Variants in FAM193A observed in about 807,000 individuals in gnomAD.
FAM193A encodes the protein protein FAM193A.
FAM193A carries 22 observed loss-of-function variants against 126.5 expected under a neutral mutation model. That is an observed-to-expected ratio of 0.17 (90% confidence interval 0.12 to 0.25). FAM193A has a LOEUF of 0.25. Ranked by LOEUF, FAM193A falls within the 10% of genes least tolerant of loss-of-function variation. The pLI, the probability that FAM193A is intolerant of heterozygous loss-of-function variation, is 1.00. For missense variants in FAM193A, 1,675 were observed against 1,672.8 expected, an observed-to-expected ratio of 1.00 and a Z score of -0.02; for synonymous variants, 761 against 646.8, an observed-to-expected ratio of 1.18 and a Z score of -2.68.
chr4:2,725,857 G>C (rs948421007), intron 20 of FAM193A, among the ~76,000 whole-genome samples: 1 of 151,858 alleles, frequency 6.6e-6, no homozygotes, highest in African/African-American at 2.4e-5. Flanking sequence ...GACTACAGGC[G>C]TGGGCCACCA....
intron 20 of FAM193A, among the ~76,000 whole-genome samples, chr4:2,730,807 C>T (rs1485689758): frequency 1.3e-5 from 2 of 151,218 alleles, no homozygotes; most frequent in African/African-American, 2.4e-5. Context: ...GCAGGAGAAT[C>T]GCTTGAACCT....
Position 2,607,749 on chromosome 4 carries a change from G to C in FAM193A, c.501+11420G>C, listed in dbSNP as rs566117354. ...CTCGCTGCGGCTCTAGGCTATGCTG[G>C]ACCATCTGAATGGGGTCCTCGGACC... is the stretch of plus-strand genomic sequence containing the variant. On this transcript the variant is annotated intron_variant, in intron 2 of 20. Coordinates refer to ENST00000637812, the MANE Select transcript of FAM193A (RefSeq NM_001366318.2). 154 of 459,456 alleles carry C rather than the reference G, an allele frequency of 3.4e-4. 2 individuals are homozygous for C. The highest frequency in any genetic ancestry group is 4.7e-4 in the South Asian group (17 of 35,948). The allele number at this position is 459,456 out of a possible 1,614,324, so 28.5% of individuals were successfully genotyped here.
intron 19 of FAM193A, among the ~76,000 whole-genome samples, chr4:2,706,427 G>T (rs1383821272): frequency 1.3e-5 from 2 of 150,484 alleles, no homozygotes; most frequent in Admixed American, 1.3e-4. Flanking sequence ...CTCCCAAGTA[G>T]CTGGGATTAC....
At chr4:2,685,968 T>TACA (rs2109240804) in intron 13 of FAM193A, among the ~76,000 whole-genome samples, 1 of 152,372 alleles carries the variant, frequency 6.6e-6, no homozygotes, top group East Asian at 1.9e-4. Flanking sequence ...TGGGTTTGTA[T>TACA]AACGAGTGAA....
At chr4:2,727,056 A>G (rs965124077) in intron 20 of FAM193A, among the ~76,000 whole-genome samples, 1 of 152,008 alleles carries the variant, frequency 6.6e-6, no homozygotes, top group Non-Finnish European at 1.5e-5. Flanking sequence ...GTCAAGAGAT[A>G]GAGACCATTC....
chr4:2,676,326 G>T (rs1201837408), intron 13 of FAM193A, among the ~76,000 whole-genome samples: 1 of 152,178 alleles, frequency 6.6e-6, no homozygotes, highest in Non-Finnish European at 1.5e-5. Flanking sequence ...CATCCTCAAG[G>T]ATGTAAGGTG....
chr4:2,541,792 T>C (rs1737249321), intron 1 of FAM193A, among the ~76,000 whole-genome samples: 1 of 152,198 alleles, frequency 6.6e-6, no homozygotes, highest in Non-Finnish European at 1.5e-5. Flanking sequence ...TTGCTTTTAC[T>C]GTATTTTAAG....
At chr4:2,603,380 G>A (rs913802662) in intron 2 of FAM193A, among the ~76,000 whole-genome samples, 25 of 150,746 alleles carry the variant, frequency 1.7e-4, no homozygotes, top group African/African-American at 6.1e-4. Flanking sequence ...CGCCTCTTGG[G>A]TTCAAGCCAT....
chr4:2,663,107 A>G lies in FAM193A; in HGVS notation c.1900-2A>G. On this transcript the variant is annotated splice_acceptor_variant, in intron 11 of 20. Coordinates refer to ENST00000637812, the MANE Select transcript of FAM193A (RefSeq NM_001366318.2). LOFTEE classifies it high-confidence loss of function. ...GCAAATTACAAAAGATTGTCTTTAA[A>G]GTCTCCTCAGATAAGCAGTACCAGC... 1 of 1,610,240 alleles carries G rather than the reference A, an allele frequency of 6.2e-7. No homozygotes were observed. The highest frequency in any genetic ancestry group is 8.5e-7 in the Non-Finnish European group (1 of 1,177,976).
chr4:2,681,509 G>A (rs1045139836), intron 13 of FAM193A, among the ~76,000 whole-genome samples: 5 of 152,112 alleles, frequency 3.3e-5, no homozygotes, highest in African/African-American at 1.2e-4. Flanking sequence ...GGAGTGTAGT[G>A]GTGCGATCTT....
chr4:2,728,891 CA>C (rs1213015096), intron 20 of FAM193A, among the ~76,000 whole-genome samples: 1 of 115,476 alleles, frequency 8.7e-6, no homozygotes, highest in Non-Finnish European at 1.8e-5. Context: ...GTTCCACCTC[CA>C]AAACTTTTTT....
At chr4:2,657,400 T>A (rs745756454) in intron 7 of FAM193A, among the ~76,000 whole-genome samples, 30 of 152,352 alleles carry the variant, frequency 2.0e-4, no homozygotes, top group Non-Finnish European at 4.0e-4. Context: ...CTCATATGCC[T>A]GTTAATAGCT....
At position 2,590,313 on chromosome 4, in the gene FAM193A, C is replaced by T. The variant is rs191699247; in HGVS notation, c.256-5771C>T. 1.0e-4 allele frequency among the ~76,000 whole-genome samples: 15 copies of T among 149,480 alleles called. No individual in the cohort carries two copies. In the East Asian group the frequency reaches 1.4e-3, roughly 14 times the overall value. ...GGTGAAACCCCGTCTCTACTAACAA[C>T]GCCTGTCTGGGCGTGGTGGCTCCTG... On this transcript the variant is annotated intron_variant, in intron 1 of 20. Transcript: ENST00000637812.
At chr4:2,639,513 T>A (rs1204754169) in intron 5 of FAM193A, among the ~76,000 whole-genome samples, 1 of 152,042 alleles carries the variant, frequency 6.6e-6, no homozygotes, top group African/African-American at 2.4e-5. Flanking sequence ...AGAGGGGAGA[T>A]GTGCTGAAAT....
At chr4:2,558,669 C>T (rs1305232035) in intron 1 of FAM193A, among the ~76,000 whole-genome samples, 1 of 152,120 alleles carries the variant, frequency 6.6e-6, no homozygotes, top group Non-Finnish European at 1.5e-5. Flanking sequence ...GGATCACAGG[C>T]GGGAGCCACT....
At chr4:2,593,233 C>T (rs1042420159) in intron 1 of FAM193A, among the ~76,000 whole-genome samples, 30 of 152,198 alleles carry the variant, frequency 2.0e-4, no homozygotes, top group African/African-American at 7.2e-4. Context: ...GTCCAAGCTG[C>T]TGCTGTCTGG....
At chr4:2,707,328 A>G (rs943649355) in intron 19 of FAM193A, among the ~76,000 whole-genome samples, 1 of 152,092 alleles carries the variant, frequency 6.6e-6, no homozygotes, top group African/African-American at 2.4e-5. Flanking sequence ...TACTGAGTGT[A>G]TTTCTCAGCA....
At chr4:2,691,234 G>A (rs1326529311) in intron 15 of FAM193A, among the ~76,000 whole-genome samples, 1 of 152,188 alleles carries the variant, frequency 6.6e-6, no homozygotes, top group Non-Finnish European at 1.5e-5. Flanking sequence ...TGTGATTTGA[G>A]TTAGGGTCTC....
intron 8 of FAM193A, among the ~76,000 whole-genome samples, chr4:2,658,908 G>A (rs892992646): frequency 1.3e-5 from 2 of 152,066 alleles, no homozygotes; most frequent in African/African-American, 2.4e-5. Flanking sequence ...CAGCCACCAC[G>A]CCTGGCTAAT....
Sources: allele counts gnomAD v4.1 joint callset (sites outside exome capture counted in the v4.1 genomes callset), GRCh38; gene constraint gnomAD v4.1.1; transcripts MANE v1.5; gene names NCBI Gene and HGNC (gene_info 2026-07-23, HGNC 2026-07-21).